Variants in CLIP3 observed in about 807,000 individuals in gnomAD.
CLIP3 encodes the protein CAP-Gly domain containing linker protein 3.
A neutral mutation model predicts 59.4 loss-of-function variants in CLIP3; 15 were observed. The ratio of observed to expected loss-of-function variants is 0.25; its 90% CI spans 0.17 to 0.39. CLIP3 has a LOEUF of 0.39. Among genes scored for constraint, CLIP3 ranks in the 10% least tolerant of loss-of-function variants. The probability of loss-of-function intolerance (pLI) is 1.00; values close to 1 mark genes in which losing one functional copy is unlikely to be tolerated. For synonymous variants in CLIP3, 300 were observed against 321.6 expected, an observed-to-expected ratio of 0.93 and a Z score of 0.72; for missense variants, 495 against 765.7, an observed-to-expected ratio of 0.65 and a Z score of 4.17.
At chr19:36,020,886 C>T (rs1968934704) in intron 7 of CLIP3, among the ~76,000 whole-genome samples, 1 of 152,096 alleles carries the variant, frequency 6.6e-6, no homozygotes, top group Admixed American at 6.5e-5. Context: ...CAGGGTCTCA[C>T]TCTGTGGCCC....
Position 36,015,967 on chromosome 19 carries a change from T to G in CLIP3, c.*191A>C. The G allele has an allele frequency of 1.6e-6, 1 of 634,436 alleles. No individual in the cohort carries two copies. The highest frequency in any genetic ancestry group is 1.8e-5 in the South Asian group (1 of 54,816). 39.3% of individuals were successfully genotyped at this position (634,436 alleles called of 1,614,324 possible). ...TCAGGGAATCTCTTTCTGGGTGACA[T>G]GGGGTCTGTATTTGGGGGTTATTAT... On this transcript the variant is annotated 3_prime_UTR_variant, in exon 14 of 14. Coordinates refer to ENST00000360535, the MANE Select transcript of CLIP3 (RefSeq NM_015526.3).
intron 6 of CLIP3, among the ~76,000 whole-genome samples, chr19:36,025,228 C>T (rs1221820831): frequency 2.0e-5 from 3 of 152,088 alleles, no homozygotes; most frequent in Non-Finnish European, 4.4e-5. Flanking sequence ...GTAGGTCACG[C>T]CCTCAGGGAG....
At position 36,019,265 on chromosome 19, in the gene CLIP3, G is replaced by A. The variant is rs375969373; in HGVS notation, c.960C>T (p.Ser320=). The A allele has an allele frequency of 9.3e-6, 15 of 1,613,500 alleles. No individual in the cohort carries two copies. The highest frequency in any genetic ancestry group is 1.6e-4 in the Middle Eastern group (1 of 6,084). The change falls in exon 8 of 14, where the codon AGC becomes AGT. Residue 320 remains serine (S), a synonymous_variant. Coordinates refer to ENST00000360535, the MANE Select transcript of CLIP3 (RefSeq NM_015526.3). The part of the protein sequence containing the change: ...LRFCGTTEFA[S]GQWVGVELDE... The stretch of plus-strand genomic sequence containing the variant: ...CCAGCTCCACGCCCACCCACTGGCC[G>A]CTGGCAAACTCCGTGGTCCCACAGA...
At chr19:36,025,728 G>A (rs1192143925) in intron 6 of CLIP3, among the ~76,000 whole-genome samples, 3 of 152,188 alleles carry the variant, frequency 2.0e-5, no homozygotes, top group Non-Finnish European at 4.4e-5. Context: ...ACATACATGT[G>A]CCTGGACGGC....
In CLIP3 at chr19:36,026,725, G is replaced by A. The variant is rs1160853825; in HGVS notation, c.423C>T (p.Arg141=). The A allele has an allele frequency of 3.7e-6, 6 of 1,600,034 alleles. No individual in the cohort carries two copies. The highest frequency in any genetic ancestry group is 1.7e-5 in the Admixed American group (1 of 58,958). The change falls in exon 5 of 14, where the codon CGC becomes CGT. Residue 141 remains arginine (R), a synonymous_variant. Transcript: ENST00000360535. This position sits in a 1 kb window ranked among gnomAD's most constrained non-coding sequence, Gnocchi z 6.3. ...CCAGCGCCAGCAGCTGCTGCGAGAG[G>A]CGCACGGCTGCCGCGGGGTCCCCTG... is the stretch of plus-strand genomic sequence containing the variant. ...HGVGDPAAAV[R]LSQQLLALGA...
intron 2 of CLIP3, among the ~76,000 whole-genome samples, chr19:36,030,918 G>C (rs7251912): frequency 0.77 from 117,634 of 151,888 alleles, 46,257 homozygotes; most frequent in African/African-American, 0.91. Flanking sequence ...CTCAGAAAGA[G>C]CAGCCCTGAC....
At chr19:36,022,123 G>A (rs1168527071) in intron 7 of CLIP3, among the ~76,000 whole-genome samples, 44 of 151,182 alleles carry the variant, frequency 2.9e-4, no homozygotes, top group Non-Finnish European at 1.2e-4. Flanking sequence ...CTCGTGATCC[G>A]CCCACCTCTG....
rs137953707 is a variant in CLIP3 at position 36,016,710 on chromosome 19, C to T, written c.1589+197G>A. 4.9e-6 allele frequency: 3 copies of T among 607,952 alleles called. No homozygotes were observed. The African/African-American group carries it at 5.6e-5, about 11-fold the overall frequency. 37.7% of individuals were successfully genotyped at this position (607,952 alleles called of 1,614,324 possible). ...TGTTCTGCTTCCTTTACCGGCCCAC[C>T]CGAAAGTGGAATTCACTAGAATTCA... On this transcript the variant is annotated intron_variant, in intron 13 of 13. Transcript: ENST00000360535. The surrounding 1 kb of genome is among the most constrained non-coding windows in gnomAD (Gnocchi z 4.1).
chr19:36,032,266 G>T lies in CLIP3; in HGVS notation c.92C>A (p.Pro31His). Residue 31 changes from proline (P) to histidine (H), a missense_variant, in exon 2 of 14, where the codon CCC becomes CAC. Pro to His is a moderately conservative substitution (Grantham distance 77, BLOSUM62 -2). Around this residue, in one of 5 missense-constraint regions of CLIP3, gnomAD observed 90 missense variants for 105.2 expected, o/e 0.86. Transcript: ENST00000360535. The surrounding 1 kb of genome is among the most constrained non-coding windows in gnomAD (Gnocchi z 4.3). ...EEEDEPVPEA[P>H]SPTQERRQKP... The stretch of plus-strand genomic sequence containing the variant: ...CTGCCGGCGCTCCTGGGTGGGGCTG[G>T]GGGCCTCGGGGACGGGTTCATCCTC... 2 of 1,299,336 alleles carry T rather than the reference G, an allele frequency of 1.5e-6. No individual in the cohort carries two copies. The highest frequency in any genetic ancestry group is 3.0e-5 in the East Asian group (1 of 33,600). The allele number at this position is 1,299,336 out of a possible 1,614,324, so 80.5% of individuals were successfully genotyped here.
chr19:36,018,974 G>A lies in CLIP3; in HGVS notation c.1107C>T (p.Ser369=), dbSNP rs747518738. 2 of 1,606,784 alleles carry A rather than the reference G, an allele frequency of 1.2e-6. No homozygotes were observed. The highest frequency in any genetic ancestry group is 1.3e-5 in the African/African-American group (1 of 74,814). Residue 369 remains serine, a synonymous_variant, in exon 9 of 14, where the codon TCC becomes TCT. Transcript: ENST00000360535. The stretch of plus-strand genomic sequence containing the variant: ...GGGTCCGGGGTGTGGAGGTGACAGA[G>A]GAGGGGGGTGCGTCCACTGCCTTGG... ...KISKAVDAPP[S]SVTSTPRTPR...
In CLIP3 at chr19:36,026,213, A is replaced by G; in HGVS notation, c.615T>C (p.Ala205=). Residue 205 remains alanine, a synonymous_variant, in exon 6 of 14, where the codon GCT becomes GCC. Transcript: ENST00000360535. The surrounding 1 kb of genome is among the most constrained non-coding windows in gnomAD (Gnocchi z 6.3). ...DFNHGSALHI[A]ASSLCLGAAK... Reference sequence around the variant, plus strand: ...CGGCGCCCAGGCACAGGCTGGAAGCAGCGATGTGCAGGGCTGAGCCGTGGT... The same window carrying G: ...CGGCGCCCAGGCACAGGCTGGAAGCGGCGATGTGCAGGGCTGAGCCGTGGT... The G allele has an allele frequency of 6.2e-7, 1 of 1,613,834 alleles. No individual in the cohort carries two copies. The highest frequency in any genetic ancestry group is 1.3e-5 in the African/African-American group (1 of 75,028).
chr19:36,028,781 C>T (rs1330260171), intron 2 of CLIP3, among the ~76,000 whole-genome samples: 1 of 152,108 alleles, frequency 6.6e-6, no homozygotes, highest in Non-Finnish European at 1.5e-5. Flanking sequence ...TATTCCCCTT[C>T]CCTCATTTCC....
In CLIP3 at chr19:36,032,532, C is replaced by A. The variant is rs2145415558; in HGVS notation, c.-58-117G>T. 2.5e-6 allele frequency: 1 copy of A among 395,678 alleles called. No homozygotes were observed. 24.5% of individuals were successfully genotyped at this position (395,678 alleles called of 1,614,324 possible). A position where few individuals can be genotyped will look rare whatever the true frequency, so the allele number is the denominator to read the frequency against. On this transcript the variant is annotated intron_variant, in intron 1 of 13. Transcript: ENST00000360535. The surrounding 1 kb of genome is among the most constrained non-coding windows in gnomAD (Gnocchi z 4.3). Reference sequence around the variant, plus strand: ...ACTGGATCTTGGGCAACCATAGGGACCCCCGTTACCCATAGAGGGCCCCGG... The same window carrying A: ...ACTGGATCTTGGGCAACCATAGGGAACCCCGTTACCCATAGAGGGCCCCGG...
Position 36,032,615 on chromosome 19 carries a change from C to T in CLIP3, c.-59+109G>A, listed in dbSNP as rs1023475469. On this transcript the variant is annotated intron_variant, in intron 1 of 13. Coordinates refer to ENST00000360535, the MANE Select transcript of CLIP3 (RefSeq NM_015526.3). The surrounding 1 kb of genome is among the most constrained non-coding windows in gnomAD (Gnocchi z 4.3). ...GCCCAGCCCCCCATTCTTCTCCTCC[C>T]GCGTCAGGCCCCTCAGTCGCGGCTG... The T allele has an allele frequency of 3.0e-6, 1 of 335,324 alleles. No individual in the cohort carries two copies. The highest frequency in any genetic ancestry group is 2.1e-5 in the African/African-American group (1 of 46,984). 20.8% of individuals were successfully genotyped at this position (335,324 alleles called of 1,614,324 possible).
Position 36,032,062 on chromosome 19 carries a change from A to G in CLIP3, c.166+130T>C. 6.6e-6 allele frequency: 3 copies of G among 455,814 alleles called. No individual in the cohort carries two copies. The highest frequency in any genetic ancestry group is 1.1e-5 in the Non-Finnish European group (3 of 266,056). The allele number at this position is 455,814 out of a possible 1,614,324, so 28.2% of individuals were successfully genotyped here. A position where few individuals can be genotyped will look rare whatever the true frequency, so the allele number is the denominator to read the frequency against. On this transcript the variant is annotated intron_variant, in intron 2 of 13. Coordinates refer to ENST00000360535, the MANE Select transcript of CLIP3 (RefSeq NM_015526.3). This position sits in a 1 kb window ranked among gnomAD's most constrained non-coding sequence, Gnocchi z 4.3. Reference sequence around the variant, plus strand: ...AATGAATTAACGAGGGGTGCTCTGCAGCCAAGATTCCTCTGGACCACCTTC... The same window carrying G: ...AATGAATTAACGAGGGGTGCTCTGCGGCCAAGATTCCTCTGGACCACCTTC...
chr19:36,024,694 C>T, intron 6 of CLIP3, 62 bp from the exon 7 acceptor site: 2 of 1,505,704 alleles, frequency 1.3e-6, no homozygotes, highest in Admixed American at 1.7e-5. Flanking sequence ...CCCATGGAGG[C>T]CCTGCCCCTA....
rs370768449 is a variant in CLIP3, at chr19:36,017,078, C to T, written c.1517-99G>A. 205 of 1,234,480 alleles carry T rather than the reference C, an allele frequency of 1.7e-4. 1 individual carries two copies. The South Asian group carries it at 2.1e-3, about 13-fold the overall frequency. 76.5% of individuals were successfully genotyped at this position (1,234,480 alleles called of 1,614,324 possible). A position where few individuals can be genotyped will look rare whatever the true frequency, so the allele number is the denominator to read the frequency against. On this transcript the variant is annotated intron_variant, in intron 12 of 13. Transcript: ENST00000360535. ...TCTCATTAATACCTCCCCATGTCTC[C>T]AGTCCCCACCTGGATCCTACATTCC...
rs536222933 is a variant in CLIP3, at chr19:36,015,647, A to G, written c.*511T>C. 64 of 167,072 alleles carry G rather than the reference A, an allele frequency of 3.8e-4. No homozygotes were observed. Among genetic ancestry groups the G allele is most frequent in the Non-Finnish European group, 8.1e-4 (61 of 75,724 alleles). The allele number at this position is 167,072 out of a possible 1,614,324, so 10.3% of individuals were successfully genotyped here. ...TGAGGGGTTGGAATCTAAGGGCTTCAGGGTGACCATGGGGTCACGACATCT... is the reference window on the plus strand; with the variant it reads ...TGAGGGGTTGGAATCTAAGGGCTTCGGGGTGACCATGGGGTCACGACATCT... On this transcript the variant is annotated 3_prime_UTR_variant, in exon 14 of 14. Coordinates refer to ENST00000360535, the MANE Select transcript of CLIP3 (RefSeq NM_015526.3).
intron 2 of CLIP3, among the ~76,000 whole-genome samples, chr19:36,031,208 G>T (rs1317640098): frequency 6.6e-6 from 1 of 151,268 alleles, no homozygotes; most frequent in Admixed American, 6.6e-5. Context: ...TAGAGATGGG[G>T]TTTCACCATG....
Sources: gnomAD v4.1 joint callset for allele counts (sites outside exome capture counted in the v4.1 genomes callset) on GRCh38, gnomAD v4.1.1 for gene constraint, gnomAD v4.1.1 regional missense constraint, Gnocchi (gnomAD v3.1) non-coding constraint, MANE v1.5 for transcripts, NCBI Gene and HGNC (gene_info 2026-07-23, HGNC 2026-07-21) for gene names.